The following STPG2 variants were observed in gnomAD, a reference collection of about 807,000 sequenced individuals.
The protein encoded by STPG2 is sperm tail PG-rich repeat containing 2, also known as sperm-tail PG-rich repeat-containing protein 2.
Under a neutral mutation model 54.2 loss-of-function variants are expected in STPG2, and 56 were observed. That is an observed-to-expected ratio of 1.03 (90% confidence interval 0.83 to 1.29). STPG2 has a LOEUF of 1.29. Ranked by LOEUF, STPG2 falls within the 50% of genes most tolerant of loss-of-function variation. The probability of loss-of-function intolerance (pLI) is 0.00; values close to 1 mark genes in which losing one functional copy is unlikely to be tolerated. For synonymous variants in STPG2, 200 were observed against 181.8 expected (o/e 1.10, Z -0.81); for missense variants, 596 against 544.9 (o/e 1.09, Z -0.93).
chr4:97,741,797 T>A (rs1466993222), intron 9 of STPG2, among the ~76,000 whole-genome samples: 1 of 151,862 alleles, frequency 6.6e-6, no homozygotes, highest in Non-Finnish European at 1.5e-5. Context: ...ATTGTGGAAG[T>A]CAGTGTGGCG....
chr4:97,815,764 T>G (rs765158566), intron 9 of STPG2, among the ~76,000 whole-genome samples: 32 of 152,136 alleles, frequency 2.1e-4, no homozygotes, highest in Non-Finnish European at 4.1e-4. Context: ...TATCTTTATT[T>G]GGAGATTAAG....
At chr4:97,908,167 T>G (rs1032627472) in intron 8 of STPG2, among the ~76,000 whole-genome samples, 1 of 151,470 alleles carries the variant, frequency 6.6e-6, no homozygotes, top group Non-Finnish European at 1.5e-5. Context: ...CAAACAAATT[T>G]ACAAGAAAAA....
intron 5 of STPG2, among the ~76,000 whole-genome samples, chr4:98,023,634 G>A (rs1736309351): frequency 6.6e-6 from 1 of 152,196 alleles, no homozygotes; most frequent in Non-Finnish European, 1.5e-5. Flanking sequence ...CCCCAGAGGT[G>A]GAGCCTACAG....
At chr4:97,848,820 C>G (rs1423517078) in intron 8 of STPG2, among the ~76,000 whole-genome samples, 1 of 149,872 alleles carries the variant, frequency 6.7e-6, no homozygotes, top group Admixed American at 6.7e-5. Context: ...AGGTATGCGG[C>G]GTTATTTCTG....
chr4:97,769,305 G>C (rs1028792909), intron 9 of STPG2, among the ~76,000 whole-genome samples: 2 of 152,120 alleles, frequency 1.3e-5, no homozygotes, highest in African/African-American at 4.8e-5. Context: ...GTACATATAA[G>C]TGTTCCAGTT....
chr4:97,494,266 C>T lies in STPG2; in HGVS notation c.462+218433G>A, dbSNP rs146733946. Among the ~76,000 whole-genome samples, 121 of 151,660 alleles carry T rather than the reference C, an allele frequency of 8.0e-4. 1 individual carries two copies. The highest frequency in any genetic ancestry group is 2.1e-3 in the South Asian group (10 of 4,814). Reference sequence around the variant, plus strand: ...CTTTTTGCCTCCAAATTCCTTCAGGCAGGTAGCATGCTGAGAAGCTTTTCA... The same window carrying T: ...CTTTTTGCCTCCAAATTCCTTCAGGTAGGTAGCATGCTGAGAAGCTTTTCA... On this transcript the variant is annotated intron_variant, in intron 4 of 4. Transcript: ENST00000522676.
At chr4:97,971,171 G>A (rs996499844) in intron 7 of STPG2, among the ~76,000 whole-genome samples, 8 of 152,218 alleles carry the variant, frequency 5.3e-5, no homozygotes, top group African/African-American at 1.4e-4. Flanking sequence ...TGGAGAGGAC[G>A]TGGAGAAATA....
At chr4:97,853,350 A>C (rs1729229987) in intron 8 of STPG2, among the ~76,000 whole-genome samples, 1 of 152,184 alleles carries the variant, frequency 6.6e-6, no homozygotes, top group Non-Finnish European at 1.5e-5. Flanking sequence ...TGACACCAAA[A>C]AATTGTGATA....
At chr4:97,565,189 T>C (rs920634157) in intron 10 of STPG2, among the ~76,000 whole-genome samples, 1 of 152,328 alleles carries the variant, frequency 6.6e-6, no homozygotes, top group Non-Finnish European at 1.5e-5. Flanking sequence ...TCATTTCATC[T>C]TCCATCACTG....
intron 9 of STPG2, among the ~76,000 whole-genome samples, chr4:97,835,910 G>A (rs1728617728): frequency 6.6e-6 from 1 of 151,974 alleles, no homozygotes; most frequent in South Asian, 2.1e-4. Flanking sequence ...AATTAGAAGT[G>A]GGACCTGAAG....
chr4:97,834,525 C>T (rs562349084), intron 9 of STPG2, among the ~76,000 whole-genome samples: 9 of 151,898 alleles, frequency 5.9e-5, no homozygotes, highest in South Asian at 2.1e-4. Flanking sequence ...TATTATTATT[C>T]GTGCTGCACT....
chr4:97,934,046 G>A (rs756394407), intron 8 of STPG2, among the ~76,000 whole-genome samples: 2 of 152,168 alleles, frequency 1.3e-5, no homozygotes, highest in Admixed American at 1.3e-4. Context: ...TTCTTGAGCA[G>A]TGGTTTGTAG....
At chr4:98,029,285 T>C (rs892461860) in intron 5 of STPG2, among the ~76,000 whole-genome samples, 1 of 152,138 alleles carries the variant, frequency 6.6e-6, no homozygotes, top group Non-Finnish European at 1.5e-5. Flanking sequence ...AGTAGTGAAA[T>C]AGCTACCCAT....
chr4:97,962,000 A>C (rs1733907196), intron 7 of STPG2, among the ~76,000 whole-genome samples: 1 of 152,212 alleles, frequency 6.6e-6, no homozygotes, highest in African/African-American at 2.4e-5. Flanking sequence ...ACTGTGGTAC[A>C]TGTCTACAAT....
At chr4:97,711,226 T>G (rs1724107020) in intron 10 of STPG2, among the ~76,000 whole-genome samples, 1 of 152,160 alleles carries the variant, frequency 6.6e-6, no homozygotes, top group African/African-American at 2.4e-5. Flanking sequence ...TAATATGATT[T>G]AATATCATCA....
intron 9 of STPG2, among the ~76,000 whole-genome samples, chr4:97,738,931 C>T (rs959294617): frequency 1.3e-5 from 2 of 152,182 alleles, no homozygotes; most frequent in Non-Finnish European, 2.9e-5. Context: ...CACCGCACCA[C>T]ACCTATTCCA....
rs568013821 is a variant in STPG2, at chr4:98,045,117, A to G, written c.612+60836T>C. Among the ~76,000 whole-genome samples, 645 of 150,422 alleles carry G rather than the reference A, an allele frequency of 4.3e-3. 3 individuals are homozygous for G. Among genetic ancestry groups the G allele is most frequent in the South Asian group, 0.025 (118 of 4,782 alleles). ...ACTTTAAAAGGAAAAAAAAAAAAGG[A>G]AAAACAACACCCCATTCCAAGGAGT... On this transcript the variant is annotated intron_variant, in intron 5 of 10. Transcript: ENST00000295268.
intron 8 of STPG2, among the ~76,000 whole-genome samples, chr4:97,902,482 A>T (rs1731216056): frequency 6.6e-6 from 1 of 152,198 alleles, no homozygotes; most frequent in Non-Finnish European, 1.5e-5. Flanking sequence ...CAGTTGGCAA[A>T]ATACTTGAAT....
rs1188177623 is a variant in STPG2 at position 97,822,366 on chromosome 4, CA to C, written c.1204+18406del. ...CAGAATTTGGTTACAACCATTTAAG[CA>C]GTCTCTAAGAAGTTCCAAACTTTTC... On this transcript the variant is annotated intron_variant, in intron 9 of 10. Coordinates refer to ENST00000295268, the MANE Select transcript of STPG2 (RefSeq NM_174952.3). 2.6e-5 allele frequency among the ~76,000 whole-genome samples: 4 copies of C among 152,222 alleles called. 1 individual carries two copies. The highest frequency in any genetic ancestry group is 6.5e-5 in the Admixed American group (1 of 15,280).
Sources: gnomAD v4.1 joint callset for allele counts (sites outside exome capture counted in the v4.1 genomes callset) on GRCh38, gnomAD v4.1.1 for gene constraint, MANE v1.5 for transcripts, NCBI Gene and HGNC (gene_info 2026-07-23, HGNC 2026-07-21) for gene names.